SYTL2: variants seen among roughly 807,000 people sequenced by gnomAD.
The protein encoded by SYTL2 is synaptotagmin-like protein 2.
A neutral mutation model predicts 198.7 loss-of-function variants in SYTL2; 165 were observed. The observed-to-expected ratio is 0.83, with a 90% CI of 0.73 to 0.94. The LOEUF (loss-of-function observed/expected upper bound fraction) is 0.94. Among genes scored for constraint, SYTL2 ranks in the 40% least tolerant of loss-of-function variants. SYTL2 has a pLI of 0.00. For synonymous variants in SYTL2, 966 were observed against 917.7 expected (o/e 1.05, Z -0.95); for missense variants, 2,835 against 2,582.8 (o/e 1.10, Z -2.12).
In SYTL2 at chr11:85,717,620, A is replaced by G. The variant is rs1278473988; in HGVS notation, c.5483-90T>C. 2.8e-6 allele frequency: 3 copies of G among 1,056,726 alleles called. No homozygotes were observed. The East Asian group carries it at 7.2e-5, about 25-fold the overall frequency. 65.5% of individuals were successfully genotyped at this position (1,056,726 alleles called of 1,614,324 possible). A position where few individuals can be genotyped will look rare whatever the true frequency, so the allele number is the denominator to read the frequency against. On this transcript the variant is annotated intron_variant, in intron 10 of 19. Transcript: ENST00000359152. ...GTAAAGCTCAAATGTCAGTTTCACA[A>G]CTGAGACAGCAGAATACATCTGACA...
chr11:85,785,827 A>C (rs909838239), intron 1 of SYTL2, among the ~76,000 whole-genome samples: 2 of 152,234 alleles, frequency 1.3e-5, no homozygotes, highest in African/African-American at 2.4e-5. Flanking sequence ...CTCAAAAAAT[A>C]CCTGTTGAAT....
chr11:85,761,471 A>C (rs1591952242), intron 1 of SYTL2, among the ~76,000 whole-genome samples: 1 of 152,204 alleles, frequency 6.6e-6, no homozygotes, highest in Admixed American at 6.5e-5. Flanking sequence ...GCAGGAGGAG[A>C]GGAGGCCGGA....
chr11:85,850,270 A>G, the SYTL2 span, among the ~76,000 whole-genome samples: 2 of 151,612 alleles, frequency 1.3e-5, no homozygotes, highest in Non-Finnish European at 2.9e-5. Flanking sequence ...CTAATTGAAT[A>G]CCCTTTATTT....
intron 1 of SYTL2, among the ~76,000 whole-genome samples, chr11:85,766,451 C>T (rs1382460230): frequency 3.9e-5 from 6 of 152,192 alleles, no homozygotes; most frequent in Admixed American, 3.9e-4. Flanking sequence ...TCTTTGACAA[C>T]ATATCACGAA....
At chr11:85,812,811 TGAG>T (rs111689222), upstream of SYTL2, among the ~76,000 whole-genome samples, 9,546 of 152,240 alleles carry the variant, frequency 0.063, 941 homozygotes, top group African/African-American at 0.21. Flanking sequence ...CCTGCCTTGC[TGAG>T]GGAAGCAGGC....
In SYTL2 at chr11:85,725,212, C is replaced by G. The variant is rs146179083; in HGVS notation, c.4146G>C (p.Trp1382Cys). Residue 1382 changes from tryptophan (W) to cysteine (C), a missense_variant, in exon 8 of 20, where the codon TGG becomes TGC. Coordinates refer to ENST00000359152, the MANE Select transcript of SYTL2 (RefSeq NM_206927.4). ...AALQKLCGEV[W>C]LSYPAGREVG... ...CTTCCCTTCCAGCTGGATAACTTAA[C>G]CATACTTCTCCACACAGCTTCTGTA... 2 of 1,614,036 alleles carry G rather than the reference C, an allele frequency of 1.2e-6. No individual in the cohort carries two copies. Among genetic ancestry groups the G allele is most frequent in the African/African-American group, 1.3e-5 (1 of 74,930 alleles).
chr11:85,794,183 T>C (rs1280476803), intron 1 of SYTL2, among the ~76,000 whole-genome samples: 1 of 150,658 alleles, frequency 6.6e-6, no homozygotes, highest in Non-Finnish European at 1.5e-5. Flanking sequence ...TTTAAATTTT[T>C]TTTTCTTTTT....
intron 1 of SYTL2, among the ~76,000 whole-genome samples, chr11:85,800,040 A>G (rs1362577494): frequency 6.6e-6 from 1 of 152,218 alleles, no homozygotes; most frequent in Non-Finnish European, 1.5e-5. Context: ...TAAGTATTAA[A>G]CTAAGCTCAC....
At chr11:85,719,819 TTTTTC>T (rs1309788698) in intron 9 of SYTL2, among the ~76,000 whole-genome samples, 3 of 152,222 alleles carry the variant, frequency 2.0e-5, no homozygotes, top group South Asian at 2.1e-4. Flanking sequence ...GTGAAGTGGC[TTTTTC>T]TTTTCTTTTT....
At chr11:85,696,072 T>C (rs990518583) in intron 19 of SYTL2, 111 bp downstream of exon 19, 9 of 807,222 alleles carry the variant, frequency 1.1e-5, no homozygotes, top group Non-Finnish European at 1.8e-5. Flanking sequence ...AAGAGATATC[T>C]GTTTTCAGGA....
chr11:85,764,523 CAGAG>C (rs1278921932), intron 1 of SYTL2, among the ~76,000 whole-genome samples: 1 of 152,204 alleles, frequency 6.6e-6, no homozygotes, highest in Non-Finnish European at 1.5e-5. Flanking sequence ...CCCTACTTCT[CAGAG>C]AGATCACACA....
chr11:85,816,592 A>G, the SYTL2 span, among the ~76,000 whole-genome samples: 3 of 152,200 alleles, frequency 2.0e-5, no homozygotes, highest in African/African-American at 4.8e-5. Flanking sequence ...ACTGTACTTC[A>G]TACCATAGAA....
Position 85,736,629 on chromosome 11 carries a change from T to C in SYTL2, c.472-14A>G, listed in dbSNP as rs749251832. ...ATTCTTCCTCTGCTGGGGACAAATATTGTTTATTAAACTTATTTTAAATGT... is the reference window on the plus strand; with the variant it reads ...ATTCTTCCTCTGCTGGGGACAAATACTGTTTATTAAACTTATTTTAAATGT... On this transcript the variant is annotated splice_polypyrimidine_tract_variant and intron_variant, in intron 5 of 19. Coordinates refer to ENST00000359152, the MANE Select transcript of SYTL2 (RefSeq NM_206927.4). The C allele has an allele frequency of 2.9e-6, 4 of 1,391,356 alleles. No homozygotes were observed. Among genetic ancestry groups the C allele is most frequent in the East Asian group, 2.3e-5 (1 of 43,832 alleles). The allele number at this position is 1,391,356 out of a possible 1,614,324, so 86.2% of individuals were successfully genotyped here. A position where few individuals can be genotyped will look rare whatever the true frequency, so the allele number is the denominator to read the frequency against.
At chr11:85,746,891 G>C (rs1203752463) in intron 3 of SYTL2, among the ~76,000 whole-genome samples, 1 of 152,086 alleles carries the variant, frequency 6.6e-6, no homozygotes, top group African/African-American at 2.4e-5. Context: ...ACATAATCTC[G>C]GGCAAGTTAC....
At chr11:85,743,528 T>C (rs1386020331) in intron 4 of SYTL2, among the ~76,000 whole-genome samples, 1 of 152,208 alleles carries the variant, frequency 6.6e-6, no homozygotes, top group Non-Finnish European at 1.5e-5. Flanking sequence ...CTGATTCTCA[T>C]ACCTTGTTTC....
intron 18 of SYTL2, among the ~76,000 whole-genome samples, chr11:85,697,502 A>G (rs1241752603): frequency 2.0e-5 from 3 of 152,232 alleles, no homozygotes; most frequent in Non-Finnish European, 2.9e-5. Flanking sequence ...TTTGCCACTT[A>G]AAAACCCAAA....
chr11:85,808,945 A>G (rs1425696803), intron 1 of SYTL2, among the ~76,000 whole-genome samples: 1 of 152,080 alleles, frequency 6.6e-6, no homozygotes, highest in Admixed American at 6.5e-5. Flanking sequence ...TTCTTTGTAA[A>G]ACAGGTGACA....
chr11:85,714,449 C>T lies in SYTL2; in HGVS notation c.5589G>A (p.Arg1863=). The change falls in exon 12 of 20, where the codon AGG becomes AGA. Residue 1863 remains arginine (R), a synonymous_variant. Transcript: ENST00000359152. ...GAAATGCTGGAACAGACTTGCTCATCCTTTTGAGTTTGTCAGGGTGAGAAA... is the reference window on the plus strand; with the variant it reads ...GAAATGCTGGAACAGACTTGCTCATTCTTTTGAGTTTGTCAGGGTGAGAAA... The part of the protein sequence containing the change: ...NPFSHPDKLK[R]MSKSVPAFLQ... 6.2e-7 allele frequency: 1 copy of T among 1,613,804 alleles called. No individual in the cohort carries two copies. The highest frequency in any genetic ancestry group is 1.1e-5 in the South Asian group (1 of 91,070).
At position 85,726,236 on chromosome 11, in the gene SYTL2, C is replaced by A; in HGVS notation, c.3122G>T (p.Ser1041Ile). 1 of 1,613,200 alleles carries A rather than the reference C, an allele frequency of 6.2e-7. No homozygotes were observed. Among genetic ancestry groups the A allele is most frequent in the Non-Finnish European group, 8.5e-7 (1 of 1,179,782 alleles). The stretch of plus-strand genomic sequence containing the variant: ...CTCTCTTGCCATAACTTTTTTTGGG[C>A]TTAGAAGCACCTCTGCTTCATGGGT... ...KNTHEAEVLL[S>I]PKKVMAREEM... The change falls in exon 8 of 20, where the codon AGC (serine) becomes ATC (isoleucine). Residue 1041 changes from serine (S) to isoleucine (I), a missense_variant. By Grantham distance (142) the Ser-to-Ile change is moderately radical. This residue lies in a region of SYTL2 where 2,645 missense variants were observed against 2,381.7 expected (regional missense o/e 1.11). Transcript: ENST00000359152.
Sources: gnomAD v4.1 joint callset for allele counts (sites outside exome capture counted in the v4.1 genomes callset) on GRCh38, gnomAD v4.1.1 for gene constraint, gnomAD v4.1.1 regional missense constraint, MANE v1.5 for transcripts, NCBI Gene and HGNC (gene_info 2026-07-23, HGNC 2026-07-21) for gene names.